The following PRKAG2 variants were observed in gnomAD, a reference collection of about 807,000 sequenced individuals.
PRKAG2 encodes the protein 5'-AMP-activated protein kinase subunit gamma-2.
A neutral mutation model predicts 69.6 loss-of-function variants in PRKAG2; 26 were observed. The ratio of observed to expected loss-of-function variants is 0.37; its 90% CI spans 0.27 to 0.52. The LOEUF (loss-of-function observed/expected upper bound fraction) is 0.52. PRKAG2 is among the 20% of genes least tolerant of loss of function. The probability of loss-of-function intolerance (pLI) is 0.90; values close to 1 mark genes in which losing one functional copy is unlikely to be tolerated. For missense variants in PRKAG2, 557 were observed against 740.0 expected, an observed-to-expected ratio of 0.75 and a Z score of 2.87; for synonymous variants, 293 against 285.0, an observed-to-expected ratio of 1.03 and a Z score of -0.28.
At chr7:151,789,269 G>A (rs1473459361) in intron 1 of PRKAG2, among the ~76,000 whole-genome samples, 3 of 152,014 alleles carry the variant, frequency 2.0e-5, no homozygotes, top group Admixed American at 1.3e-4. Context: ...TAACAATATC[G>A]CCTCCCAATC....
intron 15 of PRKAG2, chr7:151,558,824 T>C (rs1804324908): frequency 2.0e-6 from 2 of 985,314 alleles, no homozygotes; most frequent in Admixed American, 6.1e-5. Flanking sequence ...ACTTAGAATT[T>C]TTGAAATACC....
chr7:151,820,827 A>T (rs953882745), intron 1 of PRKAG2, among the ~76,000 whole-genome samples: 2 of 152,110 alleles, frequency 1.3e-5, no homozygotes, highest in Non-Finnish European at 2.9e-5. Flanking sequence ...TTTAAACAAC[A>T]ATAAGCCGGG....
At position 151,874,185 on chromosome 7, in the gene PRKAG2, TGTATA is replaced by T. The variant is rs2080304302; in HGVS notation, c.114+2317_114+2321del. ...TATATGTATATGATGTATATGTATA[TGTATA>T]TGTATATGATGTATATGTATATGTA... On this transcript the variant is annotated intron_variant, in intron 1 of 15. Transcript: ENST00000287878. Among the ~76,000 whole-genome samples the T allele has an allele frequency of 1.5e-5, 2 of 136,198 alleles. 1 individual carries two copies. Among genetic ancestry groups the T allele is most frequent in the East Asian group, 4.3e-4 (2 of 4,686 alleles). The allele number at this position is 136,198 out of a possible 152,430, so 89.4% of individuals were successfully genotyped here.
At chr7:151,806,681 G>C (rs1266893154) in intron 1 of PRKAG2, 3 of 203,800 alleles carry the variant, frequency 1.5e-5, no homozygotes, top group Non-Finnish European at 3.1e-5. Context: ...AAATATGCCA[G>C]AGCTGGCTGG....
chr7:151,691,671 G>T (rs1344703084), intron 3 of PRKAG2, among the ~76,000 whole-genome samples: 1 of 152,186 alleles, frequency 6.6e-6, no homozygotes, highest in East Asian at 1.9e-4. Context: ...AATACTAAGT[G>T]CTGACAATGA....
At chr7:151,652,574 T>C (rs1828713479) in intron 4 of PRKAG2, among the ~76,000 whole-genome samples, 1 of 152,204 alleles carries the variant, frequency 6.6e-6, no homozygotes, top group Non-Finnish European at 1.5e-5. Context: ...TTTTAGTATA[T>C]GTGCTGTCAA....
At chr7:151,708,060 G>C (rs113809638) in intron 3 of PRKAG2, among the ~76,000 whole-genome samples, 2,458 of 152,328 alleles carry the variant, frequency 0.016, 66 homozygotes, top group African/African-American at 0.057. Context: ...GTCCACAAGG[G>C]GGGCGCTGTC....
At chr7:151,725,977 C>A (rs1032941504) in intron 3 of PRKAG2, among the ~76,000 whole-genome samples, 1 of 152,084 alleles carries the variant, frequency 6.6e-6, no homozygotes, top group African/African-American at 2.4e-5. Flanking sequence ...GTTGCTATAG[C>A]GACAGCTGGT....
intron 4 of PRKAG2, among the ~76,000 whole-genome samples, chr7:151,647,955 G>C (rs553494924): frequency 2.6e-5 from 4 of 152,264 alleles, no homozygotes; most frequent in African/African-American, 9.6e-5. Context: ...AAGTAAATAG[G>C]AAAGAGATTG....
chr7:151,718,840 G>A (rs1218923229), intron 3 of PRKAG2, among the ~76,000 whole-genome samples: 1 of 152,028 alleles, frequency 6.6e-6, no homozygotes, highest in Non-Finnish European at 1.5e-5. Context: ...AAACCAGAAG[G>A]CAGGTCTGCC....
intron 1 of PRKAG2, among the ~76,000 whole-genome samples, chr7:151,874,456 G>GTATATGTA (rs1350937603): frequency 4.9e-5 from 1 of 20,588 alleles, no homozygotes; most frequent in African/African-American, 1.2e-4. Flanking sequence ...TGTATATGAT[G>GTATATGTA]TATATGTATA....
intron 1 of PRKAG2, among the ~76,000 whole-genome samples, chr7:151,852,798 G>A (rs1190401751): frequency 6.6e-6 from 1 of 152,132 alleles, no homozygotes; most frequent in Non-Finnish European, 1.5e-5. Flanking sequence ...TGCACTCCAC[G>A]AGAATTAGCT....
At chr7:151,570,545 C>T (rs1807302038) in intron 9 of PRKAG2, among the ~76,000 whole-genome samples, 1 of 152,086 alleles carries the variant, frequency 6.6e-6, no homozygotes, top group East Asian at 1.9e-4. Flanking sequence ...TAGAATGCTA[C>T]CAGGTTCACC....
chr7:151,649,918 TG>T (rs1376560452), intron 4 of PRKAG2, among the ~76,000 whole-genome samples: 1 of 152,100 alleles, frequency 6.6e-6, no homozygotes, highest in Non-Finnish European at 1.5e-5. Flanking sequence ...ACTCATACAG[TG>T]CTTTTTAAAG....
chr7:151,596,867 T>C (rs1185188407), intron 5 of PRKAG2, among the ~76,000 whole-genome samples: 5 of 152,128 alleles, frequency 3.3e-5, no homozygotes, highest in Non-Finnish European at 7.4e-5. Context: ...TCCACTGTGA[T>C]CTACAGATTC....
At chr7:151,854,176 T>TA (rs1184806669) in intron 1 of PRKAG2, among the ~76,000 whole-genome samples, 1 of 152,210 alleles carries the variant, frequency 6.6e-6, no homozygotes, top group East Asian at 1.9e-4. Context: ...TTTATTTCTC[T>TA]AAAAAATCAC....
At chr7:151,790,547 G>C (rs753282624) in intron 1 of PRKAG2, 6 of 152,258 alleles carry the variant, frequency 3.9e-5, no homozygotes, top group Non-Finnish European at 8.8e-5. Context: ...GCAGGTTCCA[G>C]ATGTGTTTGA....
In PRKAG2 at chr7:151,560,034, C is replaced by T. The variant is rs1038122053; in HGVS notation, c.1678+490G>A. 5 of 985,246 alleles carry T rather than the reference C, an allele frequency of 5.1e-6. No individual in the cohort carries two copies. In the African/African-American group the frequency reaches 7.0e-5, roughly 14 times the overall value. 61.0% of individuals were successfully genotyped at this position (985,246 alleles called of 1,614,324 possible). A position where few individuals can be genotyped will look rare whatever the true frequency, so the allele number is the denominator to read the frequency against. On this transcript the variant is annotated intron_variant, in intron 15 of 15. Transcript: ENST00000287878. ...ATCTGTCAAAAAATGAGTTTAACCA[C>T]ACTCTATCTGAAAGTGAATGTGATT... is the stretch of plus-strand genomic sequence containing the variant.
chr7:151,864,451 G>A (rs573808453), intron 1 of PRKAG2, among the ~76,000 whole-genome samples: 2 of 152,256 alleles, frequency 1.3e-5, no homozygotes, highest in East Asian at 1.9e-4. Context: ...CATCCTCTGC[G>A]CCACTTCCAC....
Sources: allele counts gnomAD v4.1 joint callset (sites outside exome capture counted in the v4.1 genomes callset), GRCh38; gene constraint gnomAD v4.1.1; transcripts MANE v1.5; gene names NCBI Gene and HGNC (gene_info 2026-07-23, HGNC 2026-07-21).